The following USP47 variants were observed in gnomAD, a reference collection of about 807,000 sequenced individuals.
USP47 encodes ubiquitin specific peptidase 47.
A neutral mutation model predicts 165.1 loss-of-function variants in USP47; 35 were observed. The ratio of observed to expected loss-of-function variants is 0.21; its 90% confidence interval spans 0.16 to 0.28. The LOEUF (loss-of-function observed/expected upper bound fraction) is 0.28. Ranked by LOEUF, USP47 falls within the 10% of genes least tolerant of loss-of-function variation. The pLI is 1.00. For synonymous variants in USP47, 531 were observed against 544.5 expected (o/e 0.98, Z 0.35); for missense variants, 1,277 against 1,607.4 (o/e 0.79, Z 3.52).
At chr11:11,882,431 A>G (rs1175174048) in intron 2 of USP47, among the ~76,000 whole-genome samples, 1 of 152,176 alleles carries the variant, frequency 6.6e-6, no homozygotes, top group Non-Finnish European at 1.5e-5. Flanking sequence ...ATTCCATAAT[A>G]TATTTGTTTT....
chr11:11,862,996 A>G lies in USP47; in HGVS notation c.40-17181A>G, dbSNP rs533926196. Among the ~76,000 whole-genome samples the G allele has an allele frequency of 7.2e-5, 11 of 152,326 alleles. No homozygotes were observed. The South Asian group carries it at 2.3e-3, about 32-fold the overall frequency. ...ACCCCCCTCCCACCCACTTAGGGCT[A>G]AGAAGACTGAGCCATTTAGGGGAAA... On this transcript the variant is annotated intron_variant, in intron 1 of 27. Transcript: ENST00000527733.
At chr11:11,867,822 G>T (rs897031175) in intron 1 of USP47, among the ~76,000 whole-genome samples, 1 of 152,076 alleles carries the variant, frequency 6.6e-6, no homozygotes, top group African/African-American at 2.4e-5. Context: ...GATTGTTTCT[G>T]CCAGGTGCCT....
At chr11:11,858,473 A>G (rs1246791152) in intron 1 of USP47, among the ~76,000 whole-genome samples, 1 of 152,138 alleles carries the variant, frequency 6.6e-6, no homozygotes, top group Non-Finnish European at 1.5e-5. Context: ...TACAACCACT[A>G]CCATAGTCAA....
chr11:11,892,832 AAAG>A (rs1564867863), intron 4 of USP47, among the ~76,000 whole-genome samples: 5 of 143,182 alleles, frequency 3.5e-5, no homozygotes, highest in Non-Finnish European at 6.0e-5. Flanking sequence ...AAAAAAAAAA[AAAG>A]AAAAAGAAAA....
intron 20 of USP47, among the ~76,000 whole-genome samples, chr11:11,946,752 A>G (rs1287993959): frequency 7.1e-6 from 1 of 140,856 alleles, no homozygotes; most frequent in Non-Finnish European, 1.6e-5. Flanking sequence ...TGACATTTTA[A>G]ACAAATTAAG....
Position 11,884,598 on chromosome 11 carries a change from C to G in USP47, c.357+18C>G, listed in dbSNP as rs529739075. On this transcript the variant is annotated intron_variant, in intron 3 of 27. Coordinates refer to ENST00000527733, the MANE Select transcript of USP47 (RefSeq NM_001282659.2). ...TACTGCTGGTAAGCTACTTAGAAAGCCCCATATTTATAATTTTTGTGCACT... is the reference window on the plus strand; with the variant it reads ...TACTGCTGGTAAGCTACTTAGAAAGGCCCATATTTATAATTTTTGTGCACT... 3 of 1,565,618 alleles carry G rather than the reference C, an allele frequency of 1.9e-6. No homozygotes were observed. In the South Asian group the frequency reaches 3.5e-5, roughly 19 times the overall value.
intron 10 of USP47, among the ~76,000 whole-genome samples, chr11:11,921,467 A>T (rs1374788058): frequency 6.6e-6 from 1 of 151,848 alleles, no homozygotes; most frequent in Non-Finnish European, 1.5e-5. Context: ...ATAATTCATA[A>T]AACCTTTTGA....
At position 11,897,707 on chromosome 11, in the gene USP47, A is replaced by G; in HGVS notation, c.593+14A>G. On this transcript the variant is annotated intron_variant, in intron 5 of 27. Coordinates refer to ENST00000527733, the MANE Select transcript of USP47 (RefSeq NM_001282659.2). Reference sequence around the variant, plus strand: ...TGCATTATATAAGTGAGTATTCAAAAAAATTGTATACATAAAATTGATTTA... The same window carrying G: ...TGCATTATATAAGTGAGTATTCAAAGAAATTGTATACATAAAATTGATTTA... The G allele has an allele frequency of 3.4e-6, 5 of 1,487,704 alleles. No individual in the cohort carries two copies. The highest frequency in any genetic ancestry group is 4.6e-6 in the Non-Finnish European group (5 of 1,084,528). 92.2% of individuals were successfully genotyped at this position (1,487,704 alleles called of 1,614,324 possible).
At chr11:11,866,982 C>T (rs1006998678) in intron 1 of USP47, among the ~76,000 whole-genome samples, 1 of 152,108 alleles carries the variant, frequency 6.6e-6, no homozygotes, top group Admixed American at 6.5e-5. Flanking sequence ...ACTGCAACTT[C>T]TGCCTCCCAG....
chr11:11,884,696 T>A, intron 3 of USP47, 116 bp downstream of exon 3: 1 of 686,422 alleles, frequency 1.5e-6, no homozygotes, highest in Non-Finnish European at 2.4e-6. Context: ...AATAAATTAA[T>A]ATTTTTTCAT....
intron 3 of USP47, among the ~76,000 whole-genome samples, chr11:11,890,011 G>A (rs1851412100): frequency 6.6e-6 from 1 of 152,156 alleles, no homozygotes; most frequent in African/African-American, 2.4e-5. Context: ...GCAGGAAATT[G>A]AAACTGGACT....
Position 11,956,135 on chromosome 11 carries a change from A to T in USP47, c.4028A>T (p.Tyr1343Phe), listed in dbSNP as rs1308297732. 6.2e-7 allele frequency: 1 copy of T among 1,614,064 alleles called. No individual in the cohort carries two copies. The highest frequency in any genetic ancestry group is 2.2e-5 in the East Asian group (1 of 44,852). Residue 1343 changes from tyrosine (Y) to phenylalanine (F), a missense_variant, in exon 28 of 28, where the codon TAT (tyrosine) becomes TTT (phenylalanine). This residue lies in a region of USP47 where 909 missense variants were observed against 1,068.1 expected (regional missense o/e 0.85). Transcript: ENST00000527733. ...CGTAAAGAGAAAGCACTAAAAATAT[A>T]TCTGGATGGAGCACCAAATAAAGAT... ...SPRKEKALKI[Y>F]LDGAPNKDLT...
At chr11:11,920,085 C>A (rs1853719738) in intron 8 of USP47, 71 bp from the exon 9 acceptor site, 1 of 1,180,742 alleles carries the variant, frequency 8.5e-7, no homozygotes, top group African/African-American at 1.6e-5. Context: ...TAATTACAGT[C>A]TTTTTTATTC....
At chr11:11,906,560 A>G (rs1030982069) in intron 8 of USP47, among the ~76,000 whole-genome samples, 2 of 152,156 alleles carry the variant, frequency 1.3e-5, no homozygotes, top group Non-Finnish European at 2.9e-5. Context: ...GAATCAGTCA[A>G]TGGAGATACA....
At chr11:11,879,905 A>G (rs1850719833) in intron 1 of USP47, among the ~76,000 whole-genome samples, 1 of 152,136 alleles carries the variant, frequency 6.6e-6, no homozygotes, top group African/African-American at 2.4e-5. Context: ...ATGGATTTAC[A>G]GTCTTAAAGG....
rs770726051 is a variant in USP47 at position 11,948,481 on chromosome 11, A to G, written c.3271A>G (p.Thr1091Ala). Reference protein sequence around the residue: ...LSSFSDDNKITIRLGRALKKG... With the variant: ...LSSFSDDNKIAIRLGRALKKG... ...AAAAAATGTTTTTAACTTATAGATT[A>G]CAATTAGACTGGGGAGAGCACTTAA... Residue 1091 changes from threonine to alanine, a missense_variant, in exon 22 of 28, where the codon ACA becomes GCA. By Grantham distance (58) the Thr-to-Ala change is moderately conservative. This residue lies in a region of USP47 where 909 missense variants were observed against 1,068.1 expected (regional missense o/e 0.85). Transcript: ENST00000527733. The G allele has an allele frequency of 6.2e-7, 1 of 1,611,058 alleles. No individual in the cohort carries two copies. Among genetic ancestry groups the G allele is most frequent in the Non-Finnish European group, 8.5e-7 (1 of 1,177,654 alleles).
At chr11:11,897,774 G>C (rs1040545317) in intron 5 of USP47, 81 bp downstream of exon 5, 19 of 1,035,560 alleles carry the variant, frequency 1.8e-5, no homozygotes, top group Non-Finnish European at 2.7e-5. Context: ...TCTTCTTGCA[G>C]TTATTTTAAA....
At chr11:11,907,980 C>T (rs1025609754) in intron 8 of USP47, among the ~76,000 whole-genome samples, 3 of 151,866 alleles carry the variant, frequency 2.0e-5, no homozygotes, top group Non-Finnish European at 2.9e-5. Context: ...CCCAGCTACT[C>T]GGGAGGCAGA....
intron 1 of USP47, among the ~76,000 whole-genome samples, chr11:11,866,817 AC>A (rs747482876): frequency 1.8e-4 from 27 of 151,948 alleles, no homozygotes; most frequent in Non-Finnish European, 2.9e-4. Flanking sequence ...TTTCCTATTG[AC>A]AAATTAGGCA....
Sources: allele counts gnomAD v4.1 joint callset (sites outside exome capture counted in the v4.1 genomes callset), GRCh38; gene constraint gnomAD v4.1.1; regional missense constraint gnomAD v4.1.1; transcripts MANE v1.5; gene names NCBI Gene and HGNC (gene_info 2026-07-23, HGNC 2026-07-21).